Variants in DYSF observed in about 807,000 individuals in gnomAD.
The protein encoded by DYSF is dystrophy-associated fer-1-like 1.
In DYSF, 212 loss-of-function variants were observed where a neutral mutation model predicts 274.9. The observed-to-expected ratio is 0.77, with a 90% confidence interval of 0.69 to 0.86. The LOEUF is 0.86. Ranked by LOEUF, DYSF falls within the 40% of genes least tolerant of loss-of-function variation. The pLI is 0.00. For synonymous variants in DYSF, 1,091 were observed against 1,078.7 expected, an observed-to-expected ratio of 1.01 and a Z score of -0.22; for missense variants, 2,666 against 2,783.2, an observed-to-expected ratio of 0.96 and a Z score of 0.95.
chr2:71,503,949 C>T (rs1319115777), intron 4 of DYSF, among the ~76,000 whole-genome samples: 2 of 152,210 alleles, frequency 1.3e-5, no homozygotes, highest in Non-Finnish European at 2.9e-5. Context: ...TGTGGGTTAG[C>T]CCCGCCTTCC....
chr2:71,642,743 A>G (rs1223570167), intron 41 of DYSF, among the ~76,000 whole-genome samples: 1 of 152,188 alleles, frequency 6.6e-6, no homozygotes, highest in African/African-American at 2.4e-5. Context: ...CGAGAACCTC[A>G]TCCTACCGTC....
At chr2:71,567,258 T>A (rs547340027) in intron 24 of DYSF, among the ~76,000 whole-genome samples, 12 of 152,216 alleles carry the variant, frequency 7.9e-5, no homozygotes, top group African/African-American at 2.9e-4. Context: ...TGAATAGTGG[T>A]TGACATGCTG....
intron 36 of DYSF, 187 bp from the exon 37 acceptor site, chr2:71,611,056 AAG>A (rs2093748361): frequency 1.6e-6 from 1 of 640,188 alleles, no homozygotes; most frequent in Non-Finnish European, 2.9e-6. Context: ...GATCCTGGAG[AAG>A]ATGATGCCTG....
exon 1 of DYSF, chr2:71,453,992 G>T: frequency 6.2e-7 from 1 of 1,614,056 alleles, no homozygotes; most frequent in Non-Finnish European, 8.5e-7. Flanking sequence ...CCCTACACGC[G>T]CCAAGCATGC....
chr2:71,623,175 AT>A (rs140067231), intron 41 of DYSF, among the ~76,000 whole-genome samples: 108,044 of 150,862 alleles, frequency 0.72, 40,642 homozygotes, highest in East Asian at 0.87. Context: ...ATAGGGACTT[AT>A]TTTTTTTTTT....
intron 30 of DYSF, among the ~76,000 whole-genome samples, chr2:71,576,063 T>A (rs1203166913): frequency 6.6e-6 from 1 of 152,210 alleles, no homozygotes; most frequent in Admixed American, 6.5e-5. Context: ...CTCAGTAATG[T>A]CAGTGAAGTC....
chr2:71,475,754 A>C (rs2082348381), intron 1 of DYSF, among the ~76,000 whole-genome samples: 1 of 152,152 alleles, frequency 6.6e-6, no homozygotes, highest in Admixed American at 6.5e-5. Context: ...AGAAATGTTA[A>C]ATGAATTTCC....
rs546272819 is a variant in DYSF, at chr2:71,678,960, G to A, written c.5885-97G>A. 6.3e-5 allele frequency: 69 copies of A among 1,102,054 alleles called. No homozygotes were observed. The South Asian group carries it at 7.7e-4, about 12-fold the overall frequency. 68.3% of individuals were successfully genotyped at this position (1,102,054 alleles called of 1,614,324 possible). A position where few individuals can be genotyped will look rare whatever the true frequency, so the allele number is the denominator to read the frequency against. ...GCCATGGATAGAAGCTGGTGACAGA[G>A]GTGACTGAGTTTTTCCTGAACCTGC... On this transcript the variant is annotated intron_variant, in intron 52 of 55. Coordinates refer to ENST00000410020, the MANE Select transcript of DYSF (RefSeq NM_001130987.2).
intron 41 of DYSF, among the ~76,000 whole-genome samples, chr2:71,621,709 G>T (rs1574419789): frequency 6.6e-6 from 1 of 151,926 alleles, no homozygotes; most frequent in Admixed American, 6.6e-5. Flanking sequence ...GCCCAGGCTA[G>T]AGTGCAGTGG....
rs888282490 is a variant in DYSF at position 71,668,954 on chromosome 2, G to A, written c.5546+112G>A. 2.9e-5 allele frequency: 39 copies of A among 1,356,702 alleles called. 1 individual carries two copies. The South Asian group carries it at 4.1e-4, about 14-fold the overall frequency. The allele number at this position is 1,356,702 out of a possible 1,614,324, so 84.0% of individuals were successfully genotyped here. On this transcript the variant is annotated intron_variant, in intron 49 of 55. Coordinates refer to ENST00000410020, the MANE Select transcript of DYSF (RefSeq NM_001130987.2). ...TTCTGCCGGGCTTCAGGCTATTTGG[G>A]CCATGGAATACAGTTCTCGTTTGGG...
At chr2:71,539,292 C>T in intron 17 of DYSF, 53 bp downstream of exon 17, 1 of 1,487,944 alleles carries the variant, frequency 6.7e-7, no homozygotes, top group South Asian at 1.1e-5. Context: ...CCCCCGTACC[C>T]CCTCTATCCA....
intron 3 of DYSF, among the ~76,000 whole-genome samples, chr2:71,496,185 A>G (rs972169247): frequency 3.9e-5 from 6 of 152,058 alleles, no homozygotes; most frequent in African/African-American, 1.4e-4. Context: ...ATTAGCTTTT[A>G]AAAGCTTTTT....
Position 71,520,920 on chromosome 2 carries a change from TG to T in DYSF, c.1149+19del, listed in dbSNP as rs758311328. 4 of 1,612,638 alleles carry T rather than the reference TG, an allele frequency of 2.5e-6. No individual in the cohort carries two copies. The African/African-American group carries it at 4.0e-5, about 16-fold the overall frequency. ...CGAAGCGCCTGTGAGTACATTTCCC[TG>T]GGTCTTCCTTACGGTCCCCCACGCG... On this transcript the variant is annotated intron_variant, in intron 12 of 55. Coordinates refer to ENST00000410020, the MANE Select transcript of DYSF (RefSeq NM_001130987.2).
chr2:71,566,838 C>G (rs1429596210), intron 24 of DYSF, among the ~76,000 whole-genome samples: 1 of 152,216 alleles, frequency 6.6e-6, no homozygotes, highest in African/African-American at 2.4e-5. Context: ...GGGGCTGTGT[C>G]CGCAGGAGGG....
intron 14 of DYSF, among the ~76,000 whole-genome samples, chr2:71,529,038 C>G (rs1014447312): frequency 2.0e-5 from 3 of 152,162 alleles, no homozygotes; most frequent in Non-Finnish European, 4.4e-5. Context: ...CTCTCCGAAC[C>G]CTCCCTTCAA....
chr2:71,510,860 A>C (rs567201349), intron 4 of DYSF, among the ~76,000 whole-genome samples: 2 of 152,370 alleles, frequency 1.3e-5, no homozygotes, highest in South Asian at 4.1e-4. Flanking sequence ...TCTGTCTACT[A>C]TTTGTTTGAA....
At chr2:71,467,052 T>G in intron 1 of DYSF, 119 bp downstream of exon 1, 2 of 1,387,538 alleles carry the variant, frequency 1.4e-6, no homozygotes, top group Non-Finnish European at 1.9e-6. Context: ...GTTTCTCCCT[T>G]TGTCAGCAGG....
chr2:71,505,087 T>G (rs986920783), intron 4 of DYSF, among the ~76,000 whole-genome samples: 5 of 151,978 alleles, frequency 3.3e-5, no homozygotes, highest in African/African-American at 1.2e-4. Flanking sequence ...GGAAATGGAG[T>G]TGGGGAGCCT....
chr2:71,537,539 C>T (rs2089506280), intron 16 of DYSF, among the ~76,000 whole-genome samples: 1 of 152,128 alleles, frequency 6.6e-6, no homozygotes, highest in Admixed American at 6.5e-5. Context: ...AGCCACCGCA[C>T]CCTGCTTTTC....
Sources: gnomAD v4.1 joint callset for allele counts (sites outside exome capture counted in the v4.1 genomes callset) on GRCh38, gnomAD v4.1.1 for gene constraint, MANE v1.5 for transcripts, NCBI Gene and HGNC (gene_info 2026-07-23, HGNC 2026-07-21) for gene names.